ADK: variants seen among roughly 807,000 people sequenced by gnomAD.
ADK encodes the protein N6,N6-dimethyladenosine kinase.
In ADK, 24 loss-of-function variants were observed where a neutral mutation model predicts 44.7. The observed-to-expected ratio is 0.54, with a 90% CI of 0.39 to 0.76. ADK has a LOEUF of 0.76. ADK is among the 30% of genes least tolerant of loss of function. The probability of loss-of-function intolerance (pLI) is 0.00; values close to 1 mark genes in which losing one functional copy is unlikely to be tolerated. For missense variants in ADK, 321 were observed against 425.1 expected (o/e 0.76, Z 2.15); for synonymous variants, 128 against 142.6 (o/e 0.90, Z 0.73).
At chr10:74,666,830 C>CTT (rs11317030) in intron 9 of ADK, among the ~76,000 whole-genome samples, 29 of 109,034 alleles carry the variant, frequency 2.7e-4, no homozygotes, top group East Asian at 8.9e-4. Context: ...AGTTTTGTGA[C>CTT]TTTTTTTTTT....
intron 4 of ADK, among the ~76,000 whole-genome samples, chr10:74,380,632 C>A (rs1219982513): frequency 1.3e-5 from 2 of 152,062 alleles, no homozygotes. Context: ...GTGGCATGCA[C>A]CTGTAGTCCC....
intron 6 of ADK, among the ~76,000 whole-genome samples, chr10:74,489,975 A>C (rs1009720928): frequency 2.0e-5 from 3 of 151,962 alleles, no homozygotes; most frequent in African/African-American, 7.2e-5. Flanking sequence ...ATTTTTTAAA[A>C]ATCACAAATA....
At chr10:74,631,278 A>AT (rs11313781) in intron 9 of ADK, among the ~76,000 whole-genome samples, 1,960 of 144,572 alleles carry the variant, frequency 0.014, 16 homozygotes, top group Non-Finnish European at 0.016. Context: ...TGATTTATTT[A>AT]TTTTTTTTTT....
intron 6 of ADK, among the ~76,000 whole-genome samples, chr10:74,426,483 A>T (rs889882509): frequency 5.9e-5 from 9 of 152,228 alleles, no homozygotes; most frequent in Non-Finnish European, 1.3e-4. Context: ...ACATGAAACA[A>T]AAAGCAGAAA....
At chr10:74,634,432 A>G (rs1420791098) in intron 9 of ADK, among the ~76,000 whole-genome samples, 2 of 151,932 alleles carry the variant, frequency 1.3e-5, no homozygotes, top group Admixed American at 1.3e-4. Flanking sequence ...GTTAGCCAGG[A>G]TGGTCTCGAT....
At chr10:74,541,797 C>G (rs933852835) in intron 7 of ADK, among the ~76,000 whole-genome samples, 1 of 125,006 alleles carries the variant, frequency 8.0e-6, no homozygotes. Flanking sequence ...CCCACACACC[C>G]CCCCCCCCTA....
intron 9 of ADK, among the ~76,000 whole-genome samples, chr10:74,666,894 G>T (rs1260554450): frequency 7.1e-6 from 1 of 141,712 alleles, no homozygotes; most frequent in African/African-American, 2.6e-5. Context: ...GCAGTGACAT[G>T]ATCTCTGCTC....
At chr10:74,505,790 T>C (rs1466184082) in intron 6 of ADK, among the ~76,000 whole-genome samples, 2 of 152,186 alleles carry the variant, frequency 1.3e-5, no homozygotes, top group Non-Finnish European at 2.9e-5. Context: ...TGTAATGATC[T>C]TTAAAGGTCC....
At chr10:74,443,467 T>A (rs1411890584) in intron 6 of ADK, among the ~76,000 whole-genome samples, 1 of 152,124 alleles carries the variant, frequency 6.6e-6, no homozygotes, top group Non-Finnish European at 1.5e-5. Flanking sequence ...TATTGTATGA[T>A]CTCATTCATG....
At chr10:74,511,361 A>G (rs1848317346) in intron 6 of ADK, among the ~76,000 whole-genome samples, 1 of 152,140 alleles carries the variant, frequency 6.6e-6, no homozygotes, top group African/African-American at 2.4e-5. Flanking sequence ...CTATGTTTCC[A>G]TACAAATTTT....
chr10:74,398,923 T>A (rs1331566905), intron 6 of ADK, among the ~76,000 whole-genome samples: 2 of 152,076 alleles, frequency 1.3e-5, no homozygotes, highest in Non-Finnish European at 2.9e-5. Flanking sequence ...ACTTGCATTG[T>A]GCAGAAAAAT....
chr10:74,649,628 A>G lies in ADK; in HGVS notation c.878-20555A>G, dbSNP rs368937096. Among the ~76,000 whole-genome samples, 10 of 152,266 alleles carry G rather than the reference A, an allele frequency of 6.6e-5. No homozygotes were observed. In the South Asian group the frequency reaches 2.1e-3, roughly 32 times the overall value. ...CGACAGAGTGAGACTCTATATCAAA[A>G]AAAAAAAAACAAATTCTGTCAGTCA... On this transcript the variant is annotated intron_variant, in intron 9 of 10. Coordinates refer to ENST00000539909, the MANE Select transcript of ADK (RefSeq NM_006721.4).
At chr10:74,576,917 CT>C (rs953872980) in intron 7 of ADK, among the ~76,000 whole-genome samples, 24 of 152,158 alleles carry the variant, frequency 1.6e-4, no homozygotes, top group African/African-American at 5.8e-4. Context: ...AGATACATTT[CT>C]TGATTCTGTT....
intron 6 of ADK, among the ~76,000 whole-genome samples, chr10:74,502,075 T>G (rs1234422982): frequency 6.6e-6 from 1 of 152,070 alleles, no homozygotes; most frequent in African/African-American, 2.4e-5. Flanking sequence ...CAATCTCCTG[T>G]TTTTCACAAA....
At chr10:74,528,128 C>G in intron 7 of ADK, 1 of 1,067,744 alleles carries the variant, frequency 9.4e-7, no homozygotes, top group East Asian at 2.5e-5. Flanking sequence ...GTGTCATGAT[C>G]GAACAAACCT....
At chr10:74,322,609 T>C (rs963583397) in intron 4 of ADK, among the ~76,000 whole-genome samples, 61 of 152,206 alleles carry the variant, frequency 4.0e-4, no homozygotes, top group African/African-American at 1.4e-3. Context: ...CTGTCCTCAA[T>C]TATATTTTTG....
At chr10:74,377,276 C>G (rs373278611) in intron 4 of ADK, among the ~76,000 whole-genome samples, 3 of 152,232 alleles carry the variant, frequency 2.0e-5, no homozygotes, top group East Asian at 3.9e-4. Context: ...GGGTTACAAC[C>G]TGTAGGCTGG....
At chr10:74,615,748 G>A (rs1162944368) in intron 9 of ADK, among the ~76,000 whole-genome samples, 2 of 151,978 alleles carry the variant, frequency 1.3e-5, no homozygotes, top group Admixed American at 6.6e-5. Context: ...TCACTCTGTC[G>A]CCCAGGCTGG....
chr10:74,708,197 C>G, intron 10 of ADK, 124 bp from the exon 11 acceptor site: 4 of 915,396 alleles, frequency 4.4e-6, no homozygotes, highest in East Asian at 3.2e-5. Context: ...ACGCACAAGA[C>G]TTTCTCTTAC....
Sources: gnomAD v4.1 joint callset for allele counts (sites outside exome capture counted in the v4.1 genomes callset) on GRCh38, gnomAD v4.1.1 for gene constraint, MANE v1.5 for transcripts, NCBI Gene and HGNC (gene_info 2026-07-23, HGNC 2026-07-21) for gene names.